DCP1B: variants seen among roughly 807,000 people sequenced by gnomAD.
The protein encoded by DCP1B is mRNA-decapping enzyme 1B.
A neutral mutation model predicts 60.5 loss-of-function variants in DCP1B; 47 were observed. The observed-to-expected ratio is 0.78, with a 90% CI of 0.61 to 0.99. DCP1B has a LOEUF of 0.99. Among genes scored for constraint, DCP1B ranks in the 50% least tolerant of loss-of-function variants. The pLI, the probability that DCP1B is intolerant of heterozygous loss-of-function variation, is 0.00. For synonymous variants in DCP1B, 267 were observed against 280.3 expected (o/e 0.95, Z 0.47); for missense variants, 725 against 756.8 (o/e 0.96, Z 0.49).
intron 3 of DCP1B, among the ~76,000 whole-genome samples, chr12:1,987,670 G>A (rs1380831533): frequency 2.0e-5 from 3 of 151,940 alleles, no homozygotes; most frequent in Non-Finnish European, 2.9e-5. Flanking sequence ...TTCAAAAATT[G>A]ACTGAAGAGG....
rs2959151 is a variant in DCP1B at position 1,997,597 on chromosome 12, G to A, written c.191+338C>T. On this transcript the variant is annotated intron_variant, in intron 2 of 8. Coordinates refer to ENST00000280665, the MANE Select transcript of DCP1B (RefSeq NM_152640.5). ...TGAACAATCTAGTATTTCTGATAGT[G>A]TTCTTCTAGCTCCTTGCCAATGCAT... Among the ~76,000 whole-genome samples, 756 of 152,342 alleles carry A rather than the reference G, an allele frequency of 5.0e-3. 5 individuals are homozygous for A. The highest frequency in any genetic ancestry group is 0.017 in the African/African-American group (703 of 41,572).
At chr12:1,988,057 G>A (rs2038309410) in intron 3 of DCP1B, among the ~76,000 whole-genome samples, 1 of 152,106 alleles carries the variant, frequency 6.6e-6, no homozygotes, top group Admixed American at 6.6e-5. Context: ...GGGTCATTAC[G>A]GGACTCTTCA....
At chr12:1,968,420 G>A (rs1349983517) in intron 3 of DCP1B, among the ~76,000 whole-genome samples, 9 of 150,234 alleles carry the variant, frequency 6.0e-5, no homozygotes, top group East Asian at 2.0e-4. Context: ...GTGCAAAGAC[G>A]CGCACCCACA....
Position 1,955,411 on chromosome 12 carries a change from G to T in DCP1B, c.651+21C>A. The T allele has an allele frequency of 1.9e-6, 3 of 1,609,020 alleles. No individual in the cohort carries two copies. The South Asian group carries it at 3.3e-5, about 18-fold the overall frequency. ...AGAATTCTAGAGACACACTGAATAT[G>T]ACAAGCAGAGAACTCCGTACCTGGT... On this transcript the variant is annotated intron_variant, in intron 6 of 8. Coordinates refer to ENST00000280665, the MANE Select transcript of DCP1B (RefSeq NM_152640.5).
intron 2 of DCP1B, among the ~76,000 whole-genome samples, chr12:1,995,122 T>C (rs2040481510): frequency 1.3e-5 from 2 of 152,160 alleles, no homozygotes; most frequent in Non-Finnish European, 2.9e-5. Flanking sequence ...ATTAGAGACT[T>C]AGAGTATAGT....
At chr12:1,952,342 T>C in intron 7 of DCP1B, 74 bp downstream of exon 7, 1 of 964,742 alleles carries the variant, frequency 1.0e-6, no homozygotes, top group Non-Finnish European at 1.4e-6. Context: ...CCTGGCTACT[T>C]TTTTTTTTTT....
chr12:1,964,148 T>A (rs2031217072), intron 5 of DCP1B, among the ~76,000 whole-genome samples: 1 of 152,190 alleles, frequency 6.6e-6, no homozygotes, highest in East Asian at 1.9e-4. Flanking sequence ...ACTAAGAGTG[T>A]TCAGTTCAAG....
chr12:1,961,369 C>T (rs978672676), intron 5 of DCP1B: 1 of 152,166 alleles, frequency 6.6e-6, no homozygotes, highest in Non-Finnish European at 1.5e-5. Flanking sequence ...ATGCAGGTGT[C>T]CTGGCACACT....
intron 3 of DCP1B, among the ~76,000 whole-genome samples, chr12:1,986,677 T>C (rs945355246): frequency 1.3e-5 from 2 of 151,596 alleles, no homozygotes; most frequent in Non-Finnish European, 2.9e-5. Context: ...ATTTTTTTTT[T>C]CCTAGCGTTC....
intron 6 of DCP1B, among the ~76,000 whole-genome samples, chr12:1,954,701 T>A (rs1264745120): frequency 6.6e-6 from 1 of 152,210 alleles, no homozygotes; most frequent in East Asian, 1.9e-4. Flanking sequence ...TAGCTCTGCA[T>A]CTGGCACAGA....
intron 7 of DCP1B, chr12:1,950,289 G>A: frequency 2.8e-6 from 2 of 702,152 alleles, no homozygotes; most frequent in Non-Finnish European, 5.2e-6. Context: ...GAGCAGTGAT[G>A]CTCCCGGAGG....
intron 1 of DCP1B, among the ~76,000 whole-genome samples, chr12:2,000,303 C>T (rs569871625): frequency 3.3e-5 from 5 of 152,168 alleles, no homozygotes; most frequent in South Asian, 4.1e-4. Flanking sequence ...CAGGATCACT[C>T]CCCACAAGAT....
intron 5 of DCP1B, among the ~76,000 whole-genome samples, chr12:1,958,833 A>G (rs1453200348): frequency 9.1e-5 from 7 of 76,566 alleles, no homozygotes; most frequent in African/African-American, 1.3e-4. Flanking sequence ...GAAACAGGGG[A>G]AAAGCTCCCC....
intron 3 of DCP1B, chr12:1,970,957 T>TA (rs2032028489): frequency 3.6e-6 from 2 of 554,420 alleles, no homozygotes; most frequent in African/African-American, 4.0e-5. Flanking sequence ...ACTGAAATGT[T>TA]ACTGCAGGAA....
At chr12:1,945,331 G>A (rs187981581), downstream of DCP1B, among the ~76,000 whole-genome samples, 1 of 152,238 alleles carries the variant, frequency 6.6e-6, no homozygotes, top group Non-Finnish European at 1.5e-5. Flanking sequence ...TTGTTGTTGG[G>A]AGTGTAAATT....
At chr12:1,997,906 G>A (rs751876543) in intron 2 of DCP1B, 29 bp downstream of exon 2, 1 of 1,565,464 alleles carries the variant, frequency 6.4e-7, no homozygotes, top group South Asian at 1.2e-5. Context: ...TTGAAGATTA[G>A]TTTCTTTATA....
intron 3 of DCP1B, among the ~76,000 whole-genome samples, chr12:1,985,777 G>A (rs1015039345): frequency 2.0e-5 from 3 of 152,096 alleles, no homozygotes; most frequent in Non-Finnish European, 4.4e-5. Flanking sequence ...CTGTCTTGCT[G>A]CCTGTGGATG....
chr12:1,981,792 A>G (rs2036216361), intron 3 of DCP1B, among the ~76,000 whole-genome samples: 1 of 152,220 alleles, frequency 6.6e-6, no homozygotes, highest in African/African-American at 2.4e-5. Context: ...CAGGGAGGTA[A>G]AGTTCCAGCT....
At chr12:1,969,165 T>C (rs1233904646) in intron 3 of DCP1B, among the ~76,000 whole-genome samples, 1 of 152,238 alleles carries the variant, frequency 6.6e-6, no homozygotes, top group Non-Finnish European at 1.5e-5. Flanking sequence ...ATTAATAGTA[T>C]TTTGCTGTTA....
Sources: gnomAD v4.1 joint callset for allele counts (sites outside exome capture counted in the v4.1 genomes callset) on GRCh38, gnomAD v4.1.1 for gene constraint, MANE v1.5 for transcripts, NCBI Gene and HGNC (gene_info 2026-07-23, HGNC 2026-07-21) for gene names.